DLG2: variants seen among roughly 807,000 people sequenced by gnomAD.
DLG2 encodes discs large MAGUK scaffold protein 2, also known as disks large homolog 2.
DLG2 carries 45 observed loss-of-function variants against 132.5 expected under a neutral mutation model. The ratio of observed to expected loss-of-function variants is 0.34; its 90% CI spans 0.27 to 0.44. The LOEUF (loss-of-function observed/expected upper bound fraction) is 0.44, where lower values mean the gene tolerates loss of function less well. Among genes scored for constraint, DLG2 ranks in the 20% least tolerant of loss-of-function variants. The pLI is 1.00. For synonymous variants in DLG2, 424 were observed against 419.6 expected (o/e 1.01, Z -0.13); for missense variants, 1,045 against 1,196.9 (o/e 0.87, Z 1.87).
chr11:84,866,728 TC>T (rs1282793579), intron 6 of DLG2, among the ~76,000 whole-genome samples: 1 of 152,232 alleles, frequency 6.6e-6, no homozygotes, highest in Admixed American at 6.5e-5. Context: ...TCATATTGTC[TC>T]ATTTAATCTT....
intron 3 of DLG2, among the ~76,000 whole-genome samples, chr11:85,353,026 A>G (rs934194027): frequency 6.6e-6 from 1 of 152,212 alleles, no homozygotes; most frequent in Admixed American, 6.5e-5. Context: ...ACAGCAAAAG[A>G]AGCTACCATC....
chr11:84,324,369 T>C (rs2098420474), intron 7 of DLG2, among the ~76,000 whole-genome samples: 1 of 152,148 alleles, frequency 6.6e-6, no homozygotes, highest in Non-Finnish European at 1.5e-5. Context: ...TTTATCTGTG[T>C]GGGTTTATTT....
intron 14 of DLG2, among the ~76,000 whole-genome samples, chr11:83,954,354 T>C (rs2086262931): frequency 6.6e-6 from 1 of 152,210 alleles, no homozygotes; most frequent in Non-Finnish European, 1.5e-5. Context: ...CTATGTGGTT[T>C]AAAGTTTTGT....
chr11:84,237,036 C>T (rs1251131609), intron 8 of DLG2, among the ~76,000 whole-genome samples: 2 of 151,374 alleles, frequency 1.3e-5, no homozygotes, highest in African/African-American at 4.9e-5. Context: ...TCCAGCGATT[C>T]CCCTGCCTCA....
At chr11:85,619,761 G>A (rs1418889743) in intron 2 of DLG2, among the ~76,000 whole-genome samples, 1 of 152,026 alleles carries the variant, frequency 6.6e-6, no homozygotes, top group Non-Finnish European at 1.5e-5. Flanking sequence ...CTGAACCCAG[G>A]AGGTGGAGGT....
intron 11 of DLG2, among the ~76,000 whole-genome samples, chr11:84,054,375 T>A (rs1049976925): frequency 2.0e-5 from 3 of 152,030 alleles, no homozygotes; most frequent in Middle Eastern, 3.2e-3. Flanking sequence ...TTCCTTCCTT[T>A]GCTTGATTTT....
intron 9 of DLG2, among the ~76,000 whole-genome samples, chr11:84,119,142 C>A (rs574589960): frequency 6.6e-6 from 1 of 151,678 alleles, no homozygotes; most frequent in South Asian, 2.1e-4. Flanking sequence ...AAAGTGACAA[C>A]CTCAGAAAAA....
intron 4 of DLG2, among the ~76,000 whole-genome samples, chr11:85,221,843 T>C (rs1231462480): frequency 6.6e-6 from 1 of 152,226 alleles, no homozygotes; most frequent in Non-Finnish European, 1.5e-5. Context: ...CTCTAGCACC[T>C]ATTTCACATT....
chr11:85,417,116 C>T (rs1238320723), intron 3 of DLG2, among the ~76,000 whole-genome samples: 1 of 152,096 alleles, frequency 6.6e-6, no homozygotes, highest in Non-Finnish European at 1.5e-5. Flanking sequence ...AGATATGTTC[C>T]ATCAATACCC....
At chr11:85,402,717 T>G (rs765052926) in intron 3 of DLG2, among the ~76,000 whole-genome samples, 33 of 152,162 alleles carry the variant, frequency 2.2e-4, no homozygotes, top group Non-Finnish European at 3.7e-4. Flanking sequence ...AAGACATTTA[T>G]GCAGCCAACA....
At chr11:83,688,106 T>G (rs1433735052) in intron 18 of DLG2, among the ~76,000 whole-genome samples, 2 of 152,120 alleles carry the variant, frequency 1.3e-5, no homozygotes, top group Non-Finnish European at 2.9e-5. Context: ...AGGTCCCTGC[T>G]CATAAACAAA....
chr11:85,290,733 CA>C (rs1307777140), intron 3 of DLG2, among the ~76,000 whole-genome samples: 5 of 151,918 alleles, frequency 3.3e-5, no homozygotes, highest in Admixed American at 6.6e-5. Flanking sequence ...TCCATTAAAA[CA>C]AAAAAATTGA....
chr11:85,437,798 AG>A (rs1337328447), intron 3 of DLG2, among the ~76,000 whole-genome samples: 1 of 152,306 alleles, frequency 6.6e-6, no homozygotes, highest in East Asian at 1.9e-4. Flanking sequence ...AAAGGAAAAA[AG>A]AAAAAATAAA....
At chr11:85,156,271 A>C (rs920968668) in intron 4 of DLG2, among the ~76,000 whole-genome samples, 2 of 152,182 alleles carry the variant, frequency 1.3e-5, no homozygotes, top group African/African-American at 4.8e-5. Flanking sequence ...GTGTGTCTAC[A>C]TGTATGTGTT....
chr11:85,380,337 T>C (rs1380650015), intron 3 of DLG2, among the ~76,000 whole-genome samples: 3 of 152,228 alleles, frequency 2.0e-5, no homozygotes, highest in African/African-American at 7.2e-5. Flanking sequence ...TAAATTCTGG[T>C]CAACTATACT....
At chr11:85,384,036 A>C (rs1442980315) in intron 3 of DLG2, among the ~76,000 whole-genome samples, 1 of 152,142 alleles carries the variant, frequency 6.6e-6, no homozygotes, top group Non-Finnish European at 1.5e-5. Flanking sequence ...ACTGTCTCCT[A>C]GTTAATACTC....
At chr11:84,505,257 A>C (rs2099235709) in intron 7 of DLG2, among the ~76,000 whole-genome samples, 1 of 152,160 alleles carries the variant, frequency 6.6e-6, no homozygotes, top group East Asian at 1.9e-4. Context: ...TGAAATGTAA[A>C]TTTTAGCTTT....
At chr11:84,260,485 A>G (rs2097536493) in intron 7 of DLG2, among the ~76,000 whole-genome samples, 1 of 152,216 alleles carries the variant, frequency 6.6e-6, no homozygotes, top group South Asian at 2.1e-4. Context: ...CAAATTGGCA[A>G]TTATATCAAC....
rs183647952 is a variant in DLG2 at position 83,860,535 on chromosome 11, G to A, written c.1565+13885C>T. On this transcript the variant is annotated intron_variant, in intron 16 of 27. Coordinates refer to ENST00000376104, the MANE Select transcript of DLG2 (RefSeq NM_001142699.3). ...GAATGGCTGTATTTACCCAAAGCCA[G>A]TACCCCCACTGTATCTAGGAAGTAA... is the stretch of plus-strand genomic sequence containing the variant. 3.9e-5 allele frequency among the ~76,000 whole-genome samples: 6 copies of A among 152,292 alleles called. No homozygotes were observed. The East Asian group carries it at 1.2e-3, about 29-fold the overall frequency.
Sources: allele counts gnomAD v4.1 joint callset (sites outside exome capture counted in the v4.1 genomes callset), GRCh38; gene constraint gnomAD v4.1.1; transcripts MANE v1.5; gene names NCBI Gene and HGNC (gene_info 2026-07-23, HGNC 2026-07-21).